FAM149A: variants seen among roughly 807,000 people sequenced by gnomAD.
The protein encoded by FAM149A is protein FAM149A.
In FAM149A, 71 loss-of-function variants were observed where a neutral mutation model predicts 78.2. The ratio of observed to expected loss-of-function variants is 0.91; its 90% CI spans 0.75 to 1.11. The LOEUF is 1.11. Among genes scored for constraint, FAM149A ranks in the 50% least tolerant of loss-of-function variants. The pLI, the probability that FAM149A is intolerant of heterozygous loss-of-function variation, is 0.00. For missense variants in FAM149A, 1,036 were observed against 971.0 expected (o/e 1.07, Z -0.89); for synonymous variants, 446 against 410.5 (o/e 1.09, Z -1.04).
Position 186,146,947 on chromosome 4 carries a change from G to A in FAM149A, c.567-2226G>A, listed in dbSNP as rs1039079778. ...TTTTGTGTGACGAGTGTTATTTCAG[G>A]TGCTTAGCTTAAAAGATGAATAAGG... On this transcript the variant is annotated intron_variant, in intron 1 of 13. Transcript: ENST00000389354. The A allele has an allele frequency of 7.1e-6, 7 of 985,304 alleles. No homozygotes were observed. The African/African-American group carries it at 1.2e-4, about 17-fold the overall frequency. The allele number at this position is 985,304 out of a possible 1,614,324, so 61.0% of individuals were successfully genotyped here.
intron 1 of FAM149A, among the ~76,000 whole-genome samples, chr4:186,126,659 G>A (rs1035934311): frequency 1.3e-5 from 2 of 152,270 alleles, no homozygotes; most frequent in African/African-American, 4.8e-5. Flanking sequence ...ACTGGGGGAA[G>A]TCACGCCATC....
At chr4:186,166,898 G>C (rs1735076016) in intron 11 of FAM149A, 70 bp from the exon 12 acceptor site, 17 of 1,494,520 alleles carry the variant, frequency 1.1e-5, no homozygotes, top group Non-Finnish European at 1.2e-5. Context: ...GATTGAGCAT[G>C]TCGAGATTTT....
At chr4:186,123,881 T>TAAA (rs71593674) in intron 1 of FAM149A, 32 of 949,670 alleles carry the variant, frequency 3.4e-5, no homozygotes, top group South Asian at 4.9e-5. Context: ...ATCACTTTCT[T>TAAA]AAAAAAAATA....
chr4:186,161,058 A>G (rs1422165389), intron 8 of FAM149A, among the ~76,000 whole-genome samples: 2 of 152,210 alleles, frequency 1.3e-5, no homozygotes, highest in African/African-American at 4.8e-5. Flanking sequence ...CTAATTATAT[A>G]TTAATAGTCT....
At chr4:186,117,026 C>T (rs1361141025) in intron 1 of FAM149A, among the ~76,000 whole-genome samples, 1 of 152,100 alleles carries the variant, frequency 6.6e-6, no homozygotes, top group African/African-American at 2.4e-5. Context: ...ACATTGGCTA[C>T]CTAACCTCTT....
intron 13 of FAM149A, chr4:186,169,796 C>T (rs1206912830): frequency 1.0e-6 from 1 of 985,340 alleles, no homozygotes; most frequent in Non-Finnish European, 1.2e-6. Flanking sequence ...CCACTTAACT[C>T]ATGTAGGACC....
intron 1 of FAM149A, chr4:186,109,314 T>C: frequency 5.4e-6 from 4 of 738,446 alleles, no homozygotes; most frequent in Non-Finnish European, 6.6e-6. Flanking sequence ...ATTCACTCTT[T>C]TTTTTTTTGA....
At chr4:186,128,801 ATGTGTGTATGGATGGATGGATGTC>A (rs1264710318) in intron 1 of FAM149A, among the ~76,000 whole-genome samples, 2 of 151,990 alleles carry the variant, frequency 1.3e-5, no homozygotes, top group Non-Finnish European at 2.9e-5. Flanking sequence ...ACATATATGT[ATGTGTGTATGGATGGATGGATGTC>A]TGTGTGTATG....
intron 13 of FAM149A, among the ~76,000 whole-genome samples, chr4:186,170,439 G>A (rs1482488823): frequency 6.6e-6 from 1 of 152,252 alleles, no homozygotes; most frequent in Non-Finnish European, 1.5e-5. Context: ...TCACCCATGA[G>A]CCTACTTAAG....
chr4:186,157,541 A>G, intron 7 of FAM149A, 24 bp from the exon 8 acceptor site: 1 of 1,607,048 alleles, frequency 6.2e-7, no homozygotes, highest in East Asian at 2.2e-5. Context: ...GTTTCTTGTA[A>G]TATTGATTCT....
rs1316304765 is a variant in FAM149A, at chr4:186,105,306, C to T, written c.230C>T (p.Pro77Leu). The T allele has an allele frequency of 2.5e-6, 3 of 1,177,258 alleles. No individual in the cohort carries two copies. Among genetic ancestry groups the T allele is most frequent in the Non-Finnish European group, 3.2e-6 (3 of 944,056 alleles). 72.9% of individuals were successfully genotyped at this position (1,177,258 alleles called of 1,614,324 possible). The change falls in exon 1 of 14, where the codon CCC becomes CTC. Residue 77 changes from proline to leucine, a missense_variant. This residue lies in a region of FAM149A where 316 missense variants were observed against 241.9 expected (regional missense o/e 1.31). Coordinates refer to ENST00000389354, the MANE Select transcript of FAM149A (RefSeq NM_001367768.3). ...TCGCCCGCCCCGCTGCTCTCCTCCC[C>T]CTACTCCCGGGGCTCCGCCGCCAGC...
At chr4:186,157,526 CTGA>C (rs770462091) in intron 7 of FAM149A, 36 bp from the exon 8 acceptor site, 1 of 1,587,568 alleles carries the variant, frequency 6.3e-7, no homozygotes, top group East Asian at 2.2e-5. Context: ...ATTAGATAAT[CTGA>C]TGTTTCTTGT....
rs549794308 is a variant in FAM149A at position 186,132,287 on chromosome 4, G to T, written c.567-16886G>T. ...GTTCAAAAATCTCAGTGAAATCAAT[G>T]AAATTGATTTAAAAGCTACAGTAAA... On this transcript the variant is annotated intron_variant, in intron 1 of 13. Coordinates refer to ENST00000389354, the MANE Select transcript of FAM149A (RefSeq NM_001367768.3). 2.1e-5 allele frequency: 18 copies of T among 868,404 alleles called. 1 individual carries two copies. In the East Asian group the frequency reaches 1.7e-3, roughly 82 times the overall value. The allele number at this position is 868,404 out of a possible 1,614,324, so 53.8% of individuals were successfully genotyped here. A position where few individuals can be genotyped will look rare whatever the true frequency, so the allele number is the denominator to read the frequency against.
intron 1 of FAM149A, chr4:186,125,348 C>T (rs1382486486): frequency 4.1e-5 from 40 of 984,772 alleles, no homozygotes; most frequent in South Asian, 4.7e-5. Context: ...ATGCCTGCTA[C>T]ACCCACATCC....
At position 186,160,931 on chromosome 4, in the gene FAM149A, C is replaced by T. The variant is rs1734557914; in HGVS notation, c.1576-1914C>T. 3 of 952,118 alleles carry T rather than the reference C, an allele frequency of 3.2e-6. No individual in the cohort carries two copies. The Admixed American group carries it at 1.8e-4, about 59-fold the overall frequency. The allele number at this position is 952,118 out of a possible 1,614,324, so 59.0% of individuals were successfully genotyped here. A position where few individuals can be genotyped will look rare whatever the true frequency, so the allele number is the denominator to read the frequency against. ...AATCAGTCCCTGTTTCTCAAAACCTCAATTTCCTGATTTATGAGGTAGGAA... is the reference window on the plus strand; with the variant it reads ...AATCAGTCCCTGTTTCTCAAAACCTTAATTTCCTGATTTATGAGGTAGGAA... On this transcript the variant is annotated intron_variant, in intron 8 of 13. Coordinates refer to ENST00000389354, the MANE Select transcript of FAM149A (RefSeq NM_001367768.3).
intron 3 of FAM149A, among the ~76,000 whole-genome samples, chr4:186,151,517 G>T (rs937911033): frequency 1.3e-5 from 2 of 152,160 alleles, no homozygotes; most frequent in African/African-American, 4.8e-5. Flanking sequence ...GTGTGCTTAG[G>T]TGTGTCAGGC....
intron 11 of FAM149A, among the ~76,000 whole-genome samples, chr4:186,165,786 G>C (rs1267710513): frequency 1.3e-5 from 2 of 152,174 alleles, no homozygotes; most frequent in Non-Finnish European, 2.9e-5. Flanking sequence ...GCAGGTCCGC[G>C]TGGATCCTGC....
chr4:186,158,593 A>T (rs994171330), intron 8 of FAM149A: 21 of 1,083,444 alleles, frequency 1.9e-5, no homozygotes, highest in South Asian at 5.2e-5. Flanking sequence ...CCTGCTGAGC[A>T]TTGCCGCCCA....
At chr4:186,171,753 A>G (rs540856794) in intron 13 of FAM149A, among the ~76,000 whole-genome samples, 161 bp from the exon 14 acceptor site, 1 of 152,344 alleles carries the variant, frequency 6.6e-6, no homozygotes, top group African/African-American at 2.4e-5. Flanking sequence ...TAGGACCCTA[A>G]TAGGCAGTTT....
Sources: allele counts gnomAD v4.1 joint callset (sites outside exome capture counted in the v4.1 genomes callset), GRCh38; gene constraint gnomAD v4.1.1; regional missense constraint gnomAD v4.1.1; transcripts MANE v1.5; gene names NCBI Gene and HGNC (gene_info 2026-07-23, HGNC 2026-07-21).